Variants in CDH3 observed in about 807,000 individuals in gnomAD.
The protein encoded by CDH3 is cadherin-3.
CDH3 carries 54 observed loss-of-function variants against 82.0 expected under a neutral mutation model. The ratio of observed to expected loss-of-function variants is 0.66; its 90% CI spans 0.53 to 0.83. The LOEUF (loss-of-function observed/expected upper bound fraction) is 0.83, where lower values mean the gene tolerates loss of function less well. CDH3 is among the 40% of genes least tolerant of loss of function. The pLI, the probability that CDH3 is intolerant of heterozygous loss-of-function variation, is 0.00. For synonymous variants in CDH3, 446 were observed against 437.9 expected (o/e 1.02, Z -0.23); for missense variants, 1,054 against 1,084.6 (o/e 0.97, Z 0.40).
intron 2 of CDH3, 57 bp from the exon 3 acceptor site, chr16:68,676,328 G>A (rs1961032257): frequency 2.3e-6 from 3 of 1,288,568 alleles, no homozygotes; most frequent in Non-Finnish European, 2.3e-6. Flanking sequence ...TGTTTTCCTG[G>A]GGCAACTTCC....
chr16:68,701,305 C>T (rs114162253), downstream of CDH3, among the ~76,000 whole-genome samples: 389 of 152,210 alleles, frequency 2.6e-3, 5 homozygotes, highest in African/African-American at 9.0e-3. Context: ...AAGTCACTCT[C>T]TCACTCTGGG....
rs1275215733 is a variant in CDH3 at position 68,679,893 on chromosome 16, A to G, written c.786A>G (p.Pro262=). The change falls in exon 7 of 16, where the codon CCA becomes CCG. Residue 262 remains proline (P), a synonymous_variant. Coordinates refer to ENST00000264012, the MANE Select transcript of CDH3 (RefSeq NM_001793.6). ...CTTACTCCATCCATAGCCAAGAACC[A>G]AAGGACCCACACGACCTCATGTTCA... is the stretch of plus-strand genomic sequence containing the variant. ...VVAYSIHSQE[P]KDPHDLMFTI... 1 of 1,613,930 alleles carries G rather than the reference A, an allele frequency of 6.2e-7. No individual in the cohort carries two copies. Among genetic ancestry groups the G allele is most frequent in the Non-Finnish European group, 8.5e-7 (1 of 1,179,966 alleles).
intron 1 of CDH3, among the ~76,000 whole-genome samples, chr16:68,719,832 G>A (rs1307815321): frequency 6.6e-6 from 1 of 151,980 alleles, no homozygotes; most frequent in Non-Finnish European, 1.5e-5. Context: ...TATAGTGGTG[G>A]ATATACAACT....
intron 1 of CDH3, among the ~76,000 whole-genome samples, chr16:68,708,321 A>G (rs1335997737): frequency 2.0e-5 from 3 of 150,468 alleles, no homozygotes; most frequent in Non-Finnish European, 4.4e-5. Flanking sequence ...GCAAAATTCC[A>G]TCTCAAAAAA....
At chr16:68,705,143 C>G (rs1057065275), downstream of CDH3, among the ~76,000 whole-genome samples, 7 of 152,134 alleles carry the variant, frequency 4.6e-5, no homozygotes, top group African/African-American at 9.7e-5. Flanking sequence ...GTCTAGATCT[C>G]CTTGATTGCC....
intron 2 of CDH3, among the ~76,000 whole-genome samples, chr16:68,726,459 G>A (rs1202530090): frequency 6.6e-6 from 1 of 152,068 alleles, no homozygotes; most frequent in Non-Finnish European, 1.5e-5. Flanking sequence ...TTGCCACTCA[G>A]TTCAAATGGC....
Position 68,719,502 on chromosome 16 carries a change from CTTTTTTTTTTT to C in CDH3, c.100-2910_100-2900del, listed in dbSNP as rs71148939. Reference sequence around the variant, plus strand: ...GATTTTTTGGCATGATGGAACTGTTCTTTTTTTTTTTTTTTTTTTTTTTGAGAGGGAGTCTC... The same window carrying C: ...GATTTTTTGGCATGATGGAACTGTTCTTTTTTTTTTTTGAGAGGGAGTCTC... On this transcript the variant is annotated intron_variant, in intron 1 of 2. Transcript: ENST00000569080. Among the ~76,000 whole-genome samples the C allele has an allele frequency of 8.1e-5, 6 of 74,506 alleles. No homozygotes were observed. The East Asian group carries it at 2.4e-3, about 29-fold the overall frequency. 48.9% of individuals were successfully genotyped at this position (74,506 alleles called of 152,430 possible).
At chr16:68,726,267 A>G (rs549355998) in intron 2 of CDH3, among the ~76,000 whole-genome samples, 5 of 152,126 alleles carry the variant, frequency 3.3e-5, no homozygotes, top group African/African-American at 9.6e-5. Context: ...CAGAGGACCA[A>G]ATGCCCCTCT....
intron 1 of CDH3, among the ~76,000 whole-genome samples, chr16:68,715,234 G>A (rs1023511591): frequency 4.6e-5 from 7 of 151,534 alleles, no homozygotes; most frequent in South Asian, 2.1e-4. Flanking sequence ...GAGACCAGCC[G>A]TGCCAACATA....
At chr16:68,664,715 A>C (rs933290261) in intron 2 of CDH3, among the ~76,000 whole-genome samples, 15 of 152,112 alleles carry the variant, frequency 9.9e-5, no homozygotes, top group Admixed American at 5.9e-4. Context: ...GCTGGAGTGC[A>C]TGGTGTGATC....
chr16:68,729,807 T>A (rs563960229), downstream of CDH3, among the ~76,000 whole-genome samples: 1,444 of 152,032 alleles, frequency 9.5e-3, 13 homozygotes, highest in Non-Finnish European at 0.016. Context: ...ATTTTTTTTT[T>A]AATTTTTTGT....
rs776175240 is a variant in CDH3 at position 68,685,258 on chromosome 16, G to A, written c.1478G>A (p.Gly493Glu). ...TGGCTAGCCATGGACCCAGACAGTG[G>A]GCAGGTCACAGCTGTGGGCACCCTC... ...AGWLAMDPDS[G>E]QVTAVGTLDR... Residue 493 changes from glycine (G) to glutamate (E), a missense_variant, in exon 11 of 16, where the codon GGG (glycine) becomes GAG (glutamate). Gly to Glu is a moderately conservative substitution (Grantham distance 98, BLOSUM62 -2). Transcript: ENST00000264012. The A allele has an allele frequency of 9.3e-6, 15 of 1,614,002 alleles. 1 individual carries two copies. The South Asian group carries it at 1.6e-4, about 18-fold the overall frequency.
chr16:68,721,009 C>A (rs189293793), intron 1 of CDH3, among the ~76,000 whole-genome samples: 21 of 152,198 alleles, frequency 1.4e-4, no homozygotes, highest in Non-Finnish European at 2.5e-4. Flanking sequence ...ACTAGCACTA[C>A]CTCTATTTTA....
At chr16:68,713,664 AT>A (rs1272957761) in intron 1 of CDH3, among the ~76,000 whole-genome samples, 3 of 151,950 alleles carry the variant, frequency 2.0e-5, no homozygotes, top group Non-Finnish European at 2.9e-5. Flanking sequence ...TTCTGTTCCC[AT>A]GACCTACTGG....
At chr16:68,693,975 G>A (rs1961640641) in intron 13 of CDH3, among the ~76,000 whole-genome samples, 1 of 152,058 alleles carries the variant, frequency 6.6e-6, no homozygotes, top group Non-Finnish European at 1.5e-5. Context: ...CAACACTGGG[G>A]CTGGGCACAG....
At chr16:68,718,313 T>G (rs1300402875) in intron 1 of CDH3, among the ~76,000 whole-genome samples, 1 of 152,112 alleles carries the variant, frequency 6.6e-6, no homozygotes, top group Non-Finnish European at 1.5e-5. Context: ...AAACTTTTTT[T>G]GTGTGTTAAA....
At chr16:68,679,694 CAAAAAAAAAA>C (rs66540234) in intron 6 of CDH3, 95 bp from the exon 7 acceptor site, 45 of 361,866 alleles carry the variant, frequency 1.2e-4, no homozygotes, top group Admixed American at 2.2e-4. Flanking sequence ...GACTTCATCT[CAAAAAAAAAA>C]AAAAAAAAAA....
intron 2 of CDH3, among the ~76,000 whole-genome samples, chr16:68,668,576 G>A (rs1960801638): frequency 6.6e-6 from 1 of 152,134 alleles, no homozygotes; most frequent in African/African-American, 2.4e-5. Context: ...CCCTAGAAAG[G>A]CCAGCTTTTT....
At chr16:68,695,196 G>T in intron 13 of CDH3, 59 bp from the exon 14 acceptor site, 1 of 1,600,462 alleles carries the variant, frequency 6.2e-7, no homozygotes, top group South Asian at 1.1e-5. Context: ...TGAGGGCCTG[G>T]GGGTCTTGGC....
Sources: allele counts gnomAD v4.1 joint callset (sites outside exome capture counted in the v4.1 genomes callset), GRCh38; gene constraint gnomAD v4.1.1; transcripts MANE v1.5; gene names NCBI Gene and HGNC (gene_info 2026-07-23, HGNC 2026-07-21).